Variants in MALRD1 observed in about 807,000 individuals in gnomAD.
MALRD1 encodes the protein MAM and LDL-receptor class A domain-containing protein 1.
In MALRD1, 247 loss-of-function variants were observed where a neutral mutation model predicts 242.1. That is an observed-to-expected ratio of 1.02 (90% CI 0.92 to 1.13). The LOEUF (loss-of-function observed/expected upper bound fraction) is 1.13, where lower values mean the gene tolerates loss of function less well. Among genes scored for constraint, MALRD1 ranks in the 50% most tolerant of loss-of-function variants. The probability of loss-of-function intolerance (pLI) is 0.00; values close to 1 mark genes in which losing one functional copy is unlikely to be tolerated. For missense variants in MALRD1, 2,989 were observed against 2,533.1 expected (o/e 1.18, Z -3.86); for synonymous variants, 995 against 866.6 (o/e 1.15, Z -2.60).
At chr10:19,062,816 G>A (rs950187054) in intron 1 of MALRD1, among the ~76,000 whole-genome samples, 2 of 152,068 alleles carry the variant, frequency 1.3e-5, no homozygotes, top group African/African-American at 4.8e-5. Flanking sequence ...CGATGGTGAT[G>A]GTTGCTTAAC....
At chr10:19,201,514 C>A (rs552641929) in intron 14 of MALRD1, among the ~76,000 whole-genome samples, 1 of 152,240 alleles carries the variant, frequency 6.6e-6, no homozygotes, top group Admixed American at 6.5e-5. Context: ...TTAATAATAA[C>A]CTGCTTTCTC....
chr10:19,323,828 C>G, intron 21 of MALRD1, 121 bp from the exon 22 acceptor site: 1 of 804,242 alleles, frequency 1.2e-6, no homozygotes, highest in South Asian at 1.8e-5. Context: ...CCAGGCTGGT[C>G]TCGAACTCCT....
intron 32 of MALRD1, among the ~76,000 whole-genome samples, chr10:19,559,840 G>C (rs58499850): frequency 0.033 from 5,064 of 152,212 alleles, 291 homozygotes; most frequent in African/African-American, 0.12. Flanking sequence ...GATGTGAACA[G>C]ACACTTCTGA....
At chr10:19,068,889 A>G (rs1835058576) in intron 2 of MALRD1, among the ~76,000 whole-genome samples, 2 of 152,266 alleles carry the variant, frequency 1.3e-5, no homozygotes, top group Admixed American at 1.3e-4. Flanking sequence ...CATTAAAAAC[A>G]TCACTGTTGT....
intron 36 of MALRD1, among the ~76,000 whole-genome samples, chr10:19,659,198 C>T (rs1841307355): frequency 6.6e-6 from 1 of 152,132 alleles, no homozygotes; most frequent in Non-Finnish European, 1.5e-5. Flanking sequence ...TAGCACTATA[C>T]ACTGCATATA....
chr10:19,545,622 C>G (rs1835176177), intron 32 of MALRD1, among the ~76,000 whole-genome samples: 1 of 144,474 alleles, frequency 6.9e-6, no homozygotes, highest in African/African-American at 2.5e-5. Flanking sequence ...ATAAAATGTT[C>G]TTTTTATTCC....
At chr10:19,570,304 G>T (rs983643267) in intron 33 of MALRD1, among the ~76,000 whole-genome samples, 2 of 152,110 alleles carry the variant, frequency 1.3e-5, no homozygotes, top group Non-Finnish European at 2.9e-5. Context: ...GGGGTATACA[G>T]ATATCCACAG....
At position 19,356,837 on chromosome 10, in the gene MALRD1, G is replaced by A. The variant is rs184032181; in HGVS notation, c.4441+4540G>A. On this transcript the variant is annotated intron_variant, in intron 26 of 39. Transcript: ENST00000454679. Reference sequence around the variant, plus strand: ...TATAAAAATGTACCTTGCCAGGCACGGTGGCTCACACCTGTAATCCCAGCA... The same window carrying A: ...TATAAAAATGTACCTTGCCAGGCACAGTGGCTCACACCTGTAATCCCAGCA... Among the ~76,000 whole-genome samples the A allele has an allele frequency of 1.6e-3, 247 of 152,078 alleles. 4 individuals carry two copies. The highest frequency in any genetic ancestry group is 3.4e-3 in the Middle Eastern group (1 of 294).
intron 35 of MALRD1, among the ~76,000 whole-genome samples, chr10:19,611,108 A>G (rs899188711): frequency 6.6e-6 from 1 of 151,976 alleles, no homozygotes; most frequent in Non-Finnish European, 1.5e-5. Flanking sequence ...CACACCATTC[A>G]CTAGTATAAA....
chr10:19,297,547 A>G (rs895049167), intron 21 of MALRD1, among the ~76,000 whole-genome samples: 2 of 151,932 alleles, frequency 1.3e-5, no homozygotes, highest in Non-Finnish European at 2.9e-5. Context: ...TTACACTTTT[A>G]TAAGAATGTA....
At chr10:19,519,184 G>C (rs1038552001) in intron 31 of MALRD1, among the ~76,000 whole-genome samples, 1 of 146,102 alleles carries the variant, frequency 6.8e-6, no homozygotes, top group Non-Finnish European at 1.5e-5. Flanking sequence ...TTCTTTCATT[G>C]TCAAAATTTT....
At chr10:19,476,132 C>T (rs1015531480) in intron 29 of MALRD1, among the ~76,000 whole-genome samples, 5 of 152,020 alleles carry the variant, frequency 3.3e-5, no homozygotes, top group African/African-American at 1.2e-4. Flanking sequence ...AGTGAAGAAA[C>T]AATTGTGGAA....
intron 18 of MALRD1, among the ~76,000 whole-genome samples, chr10:19,226,658 A>C (rs921305938): frequency 2.0e-5 from 3 of 152,038 alleles, no homozygotes; most frequent in African/African-American, 7.2e-5. Flanking sequence ...AGGAATGGAC[A>C]GAAAGAAGAA....
chr10:19,435,371 T>G (rs950272121), intron 28 of MALRD1, among the ~76,000 whole-genome samples: 3 of 152,106 alleles, frequency 2.0e-5, no homozygotes, highest in African/African-American at 7.2e-5. Flanking sequence ...TGTTAGTAAC[T>G]GAGTCCATAC....
chr10:19,065,171 C>T (rs1834933836), intron 1 of MALRD1, among the ~76,000 whole-genome samples: 1 of 150,944 alleles, frequency 6.6e-6, no homozygotes, highest in Non-Finnish European at 1.5e-5. Context: ...CCTGTAATCC[C>T]AGCTACTTGG....
chr10:19,052,536 G>C (rs1834539879), intron 1 of MALRD1, among the ~76,000 whole-genome samples: 1 of 152,116 alleles, frequency 6.6e-6, no homozygotes, highest in African/African-American at 2.4e-5. Context: ...CAATCACCTT[G>C]CTGCTGATTA....
At chr10:19,460,422 C>T (rs1835883157) in intron 29 of MALRD1, among the ~76,000 whole-genome samples, 2 of 148,700 alleles carry the variant, frequency 1.3e-5, no homozygotes, top group South Asian at 2.2e-4. Flanking sequence ...TAATGGAACG[C>T]ACACACAAAT....
At chr10:19,491,201 CT>C (rs1837478091) in intron 29 of MALRD1, 2 of 550,008 alleles carry the variant, frequency 3.6e-6, no homozygotes, top group Non-Finnish European at 6.8e-6. Flanking sequence ...TGGTGGCAGG[CT>C]GCACATACCC....
intron 18 of MALRD1, among the ~76,000 whole-genome samples, chr10:19,230,892 A>T (rs1004166188): frequency 1.3e-5 from 2 of 152,226 alleles, no homozygotes; most frequent in Non-Finnish European, 2.9e-5. Flanking sequence ...TCTTTTGCTT[A>T]ACCAAATAGA....
Sources: allele counts gnomAD v4.1 joint callset (sites outside exome capture counted in the v4.1 genomes callset), GRCh38; gene constraint gnomAD v4.1.1; transcripts MANE v1.5; gene names NCBI Gene and HGNC (gene_info 2026-07-23, HGNC 2026-07-21).